The following CHMP1A variants were observed in gnomAD, a reference collection of about 807,000 sequenced individuals.
The protein encoded by CHMP1A is charged multivesicular body protein 1A, also known as VPS46 homolog A.
In CHMP1A, 17 loss-of-function variants were observed where a neutral mutation model predicts 27.0. The ratio of observed to expected loss-of-function variants is 0.63; its 90% confidence interval spans 0.43 to 0.95. The LOEUF is 0.95. Ranked by LOEUF, CHMP1A falls within the 40% of genes least tolerant of loss-of-function variation. The pLI is 0.00. For synonymous variants in CHMP1A, 131 were observed against 107.5 expected, an observed-to-expected ratio of 1.22 and a Z score of -1.35; for missense variants, 275 against 264.0, an observed-to-expected ratio of 1.04 and a Z score of -0.29.
In CHMP1A at chr16:89,645,856, CAG is replaced by C; in HGVS notation, c.*208_*209del. 1 of 1,508,984 alleles carries C rather than the reference CAG, an allele frequency of 6.6e-7. No individual in the cohort carries two copies. The highest frequency in any genetic ancestry group is 1.3e-5 in the South Asian group (1 of 79,210). The allele number at this position is 1,508,984 out of a possible 1,614,324, so 93.5% of individuals were successfully genotyped here. On this transcript the variant is annotated 3_prime_UTR_variant, in exon 7 of 7. Coordinates refer to ENST00000397901, the MANE Select transcript of CHMP1A (RefSeq NM_002768.5). ...CACAGAAATCACCCCCAGAAATTTG[CAG>C]AAACTCAACACCAGGACACAGACCC...
intron 5 of CHMP1A, chr16:89,646,998 T>G: frequency 6.7e-7 from 1 of 1,482,204 alleles, no homozygotes; most frequent in Middle Eastern, 1.8e-4. Context: ...AGGAGCCAGG[T>G]GCCTGCAGGA....
chr16:89,653,858 G>C (rs2059843732), intron 2 of CHMP1A, 46 bp downstream of exon 2: 4 of 1,597,610 alleles, frequency 2.5e-6, no homozygotes, highest in South Asian at 1.1e-5. Flanking sequence ...TATACTATCT[G>C]TCCTCACCAG....
Position 89,645,603 on chromosome 16 carries a change from C to T in CHMP1A, c.*463G>A, listed in dbSNP as rs913042694. ...GTGGCACCTGACATCCCCCAGCACA[C>T]ATAGACCTGTGGTGCCTCCTTGGGC... On this transcript the variant is annotated 3_prime_UTR_variant, in exon 7 of 7. Coordinates refer to ENST00000397901, the MANE Select transcript of CHMP1A (RefSeq NM_002768.5). 1.8e-5 allele frequency: 5 copies of T among 274,126 alleles called. No homozygotes were observed. Among genetic ancestry groups the T allele is most frequent in the Admixed American group, 5.1e-5 (1 of 19,616 alleles). The allele number at this position is 274,126 out of a possible 1,614,324, so 17.0% of individuals were successfully genotyped here. A position where few individuals can be genotyped will look rare whatever the true frequency, so the allele number is the denominator to read the frequency against.
At position 89,647,252 on chromosome 16, in the gene CHMP1A, A is replaced by T; in HGVS notation, c.332T>A (p.Val111Glu). 1 of 1,610,560 alleles carries T rather than the reference A, an allele frequency of 6.2e-7. No individual in the cohort carries two copies. The highest frequency in any genetic ancestry group is 8.5e-7 in the Non-Finnish European group (1 of 1,178,686). The part of the protein sequence containing the change: ...STMDLQKVSS[V>E]MDRFEQQVQN... ...CACCTGCTGCTCGAACCTGTCCATCACTGAGGAGACCTTCTGCAGGTCCAT... is the reference window on the plus strand; with the variant it reads ...CACCTGCTGCTCGAACCTGTCCATCTCTGAGGAGACCTTCTGCAGGTCCAT... The change falls in exon 5 of 7, where the codon GTG becomes GAG. Residue 111 changes from valine to glutamate, a missense_variant. Coordinates refer to ENST00000397901, the MANE Select transcript of CHMP1A (RefSeq NM_002768.5).
In CHMP1A at chr16:89,653,941, AT is replaced by A. The variant is rs1450449260; in HGVS notation, c.8-19del. 4.3e-6 allele frequency: 7 copies of A among 1,613,014 alleles called. No individual in the cohort carries two copies. Among genetic ancestry groups the A allele is most frequent in the Non-Finnish European group, 5.1e-6 (6 of 1,179,156 alleles). The stretch of plus-strand genomic sequence containing the variant: ...CAGGGTATCTGCAAAGAAAGAGGGA[AT>A]TAATGGTTTGAGGATTGGGAATGGG... On this transcript the variant is annotated intron_variant, in intron 1 of 6. Transcript: ENST00000397901.
chr16:89,650,941 C>T (rs1219965578), intron 3 of CHMP1A, among the ~76,000 whole-genome samples: 2 of 152,198 alleles, frequency 1.3e-5, no homozygotes, highest in African/African-American at 4.8e-5. Flanking sequence ...GTGCTCTGGA[C>T]GCCCTCAGTG....
chr16:89,653,976 C>T, intron 1 of CHMP1A, 53 bp from the exon 2 acceptor site: 1 of 1,588,966 alleles, frequency 6.3e-7, no homozygotes, highest in Non-Finnish European at 8.6e-7. Flanking sequence ...GGACGTTACA[C>T]TTCTGGCAGG....
At chr16:89,651,805 G>A (rs2059826676) in intron 2 of CHMP1A, among the ~76,000 whole-genome samples, 159 bp from the exon 3 acceptor site, 1 of 152,260 alleles carries the variant, frequency 6.6e-6, no homozygotes, top group Admixed American at 6.5e-5. Flanking sequence ...AAGGCGTGAA[G>A]CCTGTGGGCG....
chr16:89,649,196 T>A, intron 4 of CHMP1A, 155 bp downstream of exon 4: 18 of 243,460 alleles, frequency 7.4e-5, no homozygotes, highest in Non-Finnish European at 8.3e-5. Context: ...GCCCTCAACC[T>A]CCCCACCCCA....
chr16:89,654,817 C>T (rs1293451572), intron 1 of CHMP1A, among the ~76,000 whole-genome samples: 1 of 151,948 alleles, frequency 6.6e-6, no homozygotes, highest in Non-Finnish European at 1.5e-5. Flanking sequence ...GTGGCGGGCG[C>T]CTGTAGTCCC....
At chr16:89,648,359 T>G (rs866908253) in intron 4 of CHMP1A, among the ~76,000 whole-genome samples, 2 of 70,232 alleles carry the variant, frequency 2.8e-5, no homozygotes, top group African/African-American at 1.3e-4. Flanking sequence ...GCCGCCGACG[T>G]GGAGACCCAG....
intron 1 of CHMP1A, among the ~76,000 whole-genome samples, chr16:89,655,445 C>T (rs1467392357): frequency 6.7e-6 from 1 of 148,904 alleles, no homozygotes; most frequent in African/African-American, 2.5e-5. Context: ...CTCCTCACCT[C>T]AGCTTTCCTC....
At chr16:89,651,091 G>C (rs369730946) in intron 3 of CHMP1A, among the ~76,000 whole-genome samples, 2 of 152,020 alleles carry the variant, frequency 1.3e-5, no homozygotes, top group Non-Finnish European at 2.9e-5. Flanking sequence ...TCATAGTGAG[G>C]ATTAGGCTGG....
intron 1 of CHMP1A, among the ~76,000 whole-genome samples, 161 bp downstream of exon 1, chr16:89,657,421 C>A (rs1381242868): frequency 1.3e-5 from 2 of 148,380 alleles, no homozygotes; most frequent in African/African-American, 5.0e-5. Flanking sequence ...GGTCCCAGGT[C>A]GGTGGTCGAG....
rs1568007470 is a variant in CHMP1A, at chr16:89,657,571, C to G, written c.7+11G>C. The G allele has an allele frequency of 6.2e-7, 1 of 1,610,928 alleles. No homozygotes were observed. The highest frequency in any genetic ancestry group is 2.2e-5 in the East Asian group (1 of 44,772). On this transcript the variant is annotated intron_variant, in intron 1 of 6. Coordinates refer to ENST00000397901, the MANE Select transcript of CHMP1A (RefSeq NM_002768.5). ...CGCGCGAGTCCCCGGAGGACGGCCG[C>G]GACCTCTTACCGTCCATGGCCACAA...
chr16:89,653,827 T>C (rs2059843493), intron 2 of CHMP1A, 77 bp downstream of exon 2: 1 of 1,438,390 alleles, frequency 7.0e-7, no homozygotes, highest in South Asian at 1.1e-5. Flanking sequence ...ACTGTTTCTG[T>C]GGCTCTGAGT....
rs577721067 is a variant in CHMP1A, at chr16:89,645,821, G to A, written c.*245C>T. On this transcript the variant is annotated 3_prime_UTR_variant, in exon 7 of 7. Coordinates refer to ENST00000397901, the MANE Select transcript of CHMP1A (RefSeq NM_002768.5). ...GGCCCCTCTTGGCCTCCCCGCTGTG[G>A]GCCCAGAGTCACAGAAATCACCCCC... is the stretch of plus-strand genomic sequence containing the variant. 86 of 1,302,562 alleles carry A rather than the reference G, an allele frequency of 6.6e-5. No individual in the cohort carries two copies. In the African/African-American group the frequency reaches 1.1e-3, roughly 17 times the overall value. 80.7% of individuals were successfully genotyped at this position (1,302,562 alleles called of 1,614,324 possible). A position where few individuals can be genotyped will look rare whatever the true frequency, so the allele number is the denominator to read the frequency against.
chr16:89,649,326 T>C (rs1205783590), intron 4 of CHMP1A, 25 bp downstream of exon 4: 1 of 1,602,644 alleles, frequency 6.2e-7, no homozygotes. Context: ...ACGCCACCCA[T>C]CCAGCACCAG....
chr16:89,652,628 G>A (rs928106050), intron 2 of CHMP1A, among the ~76,000 whole-genome samples: 7 of 151,884 alleles, frequency 4.6e-5, no homozygotes, highest in Admixed American at 2.0e-4. Context: ...AACCACAGAC[G>A]CCCTGGTACC....
Sources: allele counts gnomAD v4.1 joint callset (sites outside exome capture counted in the v4.1 genomes callset), GRCh38; gene constraint gnomAD v4.1.1; transcripts MANE v1.5; gene names NCBI Gene and HGNC (gene_info 2026-07-23, HGNC 2026-07-21).